ERCC8: variants seen among roughly 807,000 people sequenced by gnomAD.
ERCC8 encodes ERCC excision repair 8, CSA ubiquitin ligase complex subunit.
ERCC8 carries 52 observed loss-of-function variants against 54.9 expected under a neutral mutation model. That is an observed-to-expected ratio of 0.95 (90% CI 0.76 to 1.19). ERCC8 has a LOEUF of 1.19. ERCC8 is among the 50% of genes most tolerant of loss of function. ERCC8 has a pLI of 0.00. For synonymous variants in ERCC8, 146 were observed against 157.2 expected (o/e 0.93, Z 0.53); for missense variants, 514 against 466.1 (o/e 1.10, Z -0.95).
At chr5:60,925,131 T>C (rs1332386542) in intron 2 of ERCC8, among the ~76,000 whole-genome samples, 5 of 152,154 alleles carry the variant, frequency 3.3e-5, no homozygotes, top group Admixed American at 3.3e-4. Flanking sequence ...AAATTAATTT[T>C]CTTAACCTTT....
At chr5:60,901,083 C>G (rs572807166) in intron 7 of ERCC8, among the ~76,000 whole-genome samples, 5 of 151,886 alleles carry the variant, frequency 3.3e-5, no homozygotes, top group Non-Finnish European at 7.4e-5. Flanking sequence ...AGACACAGAT[C>G]TTTATAAAAT....
intron 2 of ERCC8, among the ~76,000 whole-genome samples, chr5:60,925,424 A>G (rs1404830056): frequency 1.3e-5 from 2 of 152,132 alleles, no homozygotes; most frequent in Non-Finnish European, 2.9e-5. Flanking sequence ...TTGGAAAGAT[A>G]TTAGAGTCCA....
At chr5:60,916,041 C>T (rs1749423393) in intron 4 of ERCC8, among the ~76,000 whole-genome samples, 1 of 152,006 alleles carries the variant, frequency 6.6e-6, no homozygotes, top group African/African-American at 2.4e-5. Flanking sequence ...CAATTCTTCT[C>T]TCCAGTACCA....
intron 9 of ERCC8, chr5:60,893,099 C>T (rs1275407778): frequency 1.3e-6 from 1 of 774,130 alleles, no homozygotes; most frequent in South Asian, 1.4e-5. Context: ...CCAGGACCAG[C>T]TTCTTGTTGC....
chr5:60,891,415 CAT>C (rs1335402819), intron 9 of ERCC8, among the ~76,000 whole-genome samples: 1 of 151,990 alleles, frequency 6.6e-6, no homozygotes, highest in Admixed American at 6.5e-5. Flanking sequence ...GTGAGGTAAA[CAT>C]GTTGGTGGCA....
rs1490219991 is a variant in ERCC8, at chr5:60,903,644, A to G, written c.550+4T>C. 6.2e-7 allele frequency: 1 copy of G among 1,612,554 alleles called. No individual in the cohort carries two copies. Reference sequence around the variant, plus strand: ...AGTTGCCGTTTGAAATAAAATAAAAATACCCTGTAGAATGTGAGAACAGGA... The same window carrying G: ...AGTTGCCGTTTGAAATAAAATAAAAGTACCCTGTAGAATGTGAGAACAGGA... On this transcript the variant is annotated splice_donor_region_variant and intron_variant, in intron 6 of 11. Transcript: ENST00000676185.
At chr5:60,910,654 T>C (rs1749230656) in intron 4 of ERCC8, among the ~76,000 whole-genome samples, 2 of 152,188 alleles carry the variant, frequency 1.3e-5, no homozygotes, top group Admixed American at 6.5e-5. Flanking sequence ...TGGTAAACAA[T>C]GTTGGTTTTG....
chr5:60,897,463 T>G (rs1748753989), intron 9 of ERCC8, among the ~76,000 whole-genome samples: 1 of 152,240 alleles, frequency 6.6e-6, no homozygotes, highest in Non-Finnish European at 1.5e-5. Flanking sequence ...TAATTATTAT[T>G]AGCACAGTAT....
chr5:60,928,388 T>C (rs1749812965), intron 2 of ERCC8, among the ~76,000 whole-genome samples: 1 of 152,200 alleles, frequency 6.6e-6, no homozygotes, highest in East Asian at 1.9e-4. Context: ...GGTACTATTG[T>C]TCCCATTGTA....
chr5:60,877,951 G>A (rs1748067988), intron 11 of ERCC8, among the ~76,000 whole-genome samples: 1 of 152,194 alleles, frequency 6.6e-6, no homozygotes, highest in African/African-American at 2.4e-5. Flanking sequence ...TCTTGTGCCT[G>A]TTTTCAAAGG....
chr5:60,898,142 C>T lies in ERCC8; in HGVS notation c.843+134G>A, dbSNP rs1748771310. 13 of 993,732 alleles carry T rather than the reference C, an allele frequency of 1.3e-5. No homozygotes were observed. In the South Asian group the frequency reaches 2.0e-4, roughly 16 times the overall value. The allele number at this position is 993,732 out of a possible 1,614,324, so 61.6% of individuals were successfully genotyped here. A position where few individuals can be genotyped will look rare whatever the true frequency, so the allele number is the denominator to read the frequency against. On this transcript the variant is annotated intron_variant, in intron 9 of 11. Coordinates refer to ENST00000676185, the MANE Select transcript of ERCC8 (RefSeq NM_000082.4). ...TCCTGAGTTGAGAATTACTAGTCCA[C>T]ATAGTAGAAACACATTTTTAAAAAC...
chr5:60,909,597 A>T (rs1749194334), intron 4 of ERCC8: 1 of 153,416 alleles, frequency 6.5e-6, no homozygotes, highest in Non-Finnish European at 1.4e-5. Context: ...TAGTAAATAT[A>T]TTTCTCTTCC....
At chr5:60,893,218 G>C (rs376532012) in intron 9 of ERCC8, 2 of 968,400 alleles carry the variant, frequency 2.1e-6, no homozygotes, top group African/African-American at 3.4e-5. Context: ...ACCACCTCAC[G>C]GACTCCTTGT....
At chr5:60,892,380 C>T (rs1177615202) in intron 9 of ERCC8, 20 of 548,102 alleles carry the variant, frequency 3.6e-5, no homozygotes, top group Non-Finnish European at 4.8e-5. Flanking sequence ...TCTTCATTGA[C>T]TTGCTCGGTA....
chr5:60,882,666 C>T (rs148635323), intron 11 of ERCC8, among the ~76,000 whole-genome samples: 1,779 of 152,216 alleles, frequency 0.012, 32 homozygotes, highest in African/African-American at 0.04. Flanking sequence ...GGATTACAGG[C>T]GTGAGCCACC....
Sources: gnomAD v4.1 joint callset for allele counts (sites outside exome capture counted in the v4.1 genomes callset) on GRCh38, gnomAD v4.1.1 for gene constraint, MANE v1.5 for transcripts, NCBI Gene and HGNC (gene_info 2026-07-23, HGNC 2026-07-21) for gene names.